POMGNT2: variants seen among roughly 807,000 people sequenced by gnomAD.
POMGNT2 encodes protein O-linked-mannose beta-1,4-N-acetylglucosaminyltransferase 2.
In POMGNT2, 32 loss-of-function variants were observed where a neutral mutation model predicts 37.8. That is an observed-to-expected ratio of 0.85 (90% CI 0.64 to 1.14). The LOEUF (loss-of-function observed/expected upper bound fraction) is 1.14, where lower values mean the gene tolerates loss of function less well. POMGNT2 is among the 50% of genes most tolerant of loss of function. The pLI is 0.00. For missense variants in POMGNT2, 705 were observed against 780.6 expected, an observed-to-expected ratio of 0.90 and a Z score of 1.15; for synonymous variants, 340 against 336.8, an observed-to-expected ratio of 1.01 and a Z score of -0.10.
At chr3:43,091,158 T>C (rs1433110176) in intron 1 of POMGNT2, among the ~76,000 whole-genome samples, 4 of 152,054 alleles carry the variant, frequency 2.6e-5, no homozygotes, top group Non-Finnish European at 5.9e-5. Context: ...AAAATCTTTC[T>C]CTACAAAAAG....
intron 1 of POMGNT2, among the ~76,000 whole-genome samples, chr3:43,100,598 A>G (rs2090011593): frequency 6.6e-6 from 1 of 152,220 alleles, no homozygotes; most frequent in South Asian, 2.1e-4. Flanking sequence ...ATTCTCTCAC[A>G]CCACAAAAAT....
At chr3:43,090,033 G>C (rs1233246299) in intron 1 of POMGNT2, among the ~76,000 whole-genome samples, 4 of 152,054 alleles carry the variant, frequency 2.6e-5, no homozygotes, top group African/African-American at 9.7e-5. Flanking sequence ...CCTCCAGTCA[G>C]CCTTGTTCAT....
chr3:43,083,824 A>C (rs2089874779), intron 1 of POMGNT2, among the ~76,000 whole-genome samples: 1 of 152,196 alleles, frequency 6.6e-6, no homozygotes, highest in Non-Finnish European at 1.5e-5. Flanking sequence ...TTCGTCCCTC[A>C]TTCCTGATGT....
chr3:43,092,985 A>C (rs138080991), intron 1 of POMGNT2, among the ~76,000 whole-genome samples: 150 of 152,342 alleles, frequency 9.8e-4, no homozygotes, highest in African/African-American at 3.3e-3. Flanking sequence ...CTAAAGCCAA[A>C]ACAGACAAAC....
chr3:43,079,977 C>T lies in POMGNT2; in HGVS notation c.1455G>A (p.Val485=), dbSNP rs145017190. ...KWTVGLYPGK[V]REARCQASVH... ...CTGACGCCTGGCACCGTGCCTCCCGCACCTTGCCTGGATATAGGCCGACTG... is the reference window on the plus strand; with the variant it reads ...CTGACGCCTGGCACCGTGCCTCCCGTACCTTGCCTGGATATAGGCCGACTG... The change falls in exon 2 of 2, where the codon GTG becomes GTA. Residue 485 remains valine (V), a synonymous_variant. Transcript: ENST00000344697. 18 of 1,613,856 alleles carry T rather than the reference C, an allele frequency of 1.1e-5. No homozygotes were observed. The African/African-American group carries it at 2.0e-4, about 18-fold the overall frequency.
At chr3:43,099,203 G>A (rs779299687) in intron 1 of POMGNT2, among the ~76,000 whole-genome samples, 3 of 152,138 alleles carry the variant, frequency 2.0e-5, no homozygotes, top group Non-Finnish European at 2.9e-5. Context: ...TGGACCCTCA[G>A]GCCCAATTTG....
rs373951159 is a variant in POMGNT2 at position 43,080,136 on chromosome 3, T to C, written c.1296A>G (p.Pro432=). Residue 432 remains proline (P), a synonymous_variant, in exon 2 of 2, where the codon CCA becomes CCG. Coordinates refer to ENST00000344697, the MANE Select transcript of POMGNT2 (RefSeq NM_032806.6). ...CGGGGTTCCGGCAACAGAGATGCCG[T>C]GGGACCTCACGGCTTTGCAGGATAC... ...QARILQSREV[P]RHLCCRNPEW... is the part of the protein sequence containing the mutation. The C allele has an allele frequency of 7.4e-6, 12 of 1,613,822 alleles. No individual in the cohort carries two copies. The highest frequency in any genetic ancestry group is 1.6e-4 in the Middle Eastern group (1 of 6,084).
intron 1 of POMGNT2, among the ~76,000 whole-genome samples, chr3:43,091,216 G>A (rs2089940724): frequency 6.6e-6 from 1 of 152,018 alleles, no homozygotes; most frequent in Middle Eastern, 3.4e-3. Flanking sequence ...CTAGGGCAGG[G>A]AAAGTACAAG....
At chr3:43,097,841 TG>T (rs1342200442) in intron 1 of POMGNT2, among the ~76,000 whole-genome samples, 1 of 152,240 alleles carries the variant, frequency 6.6e-6, no homozygotes, top group African/African-American at 2.4e-5. Flanking sequence ...CACCAAGGCC[TG>T]GGGCTGCTGG....
chr3:43,088,178 T>G (rs570033215), intron 1 of POMGNT2: 3 of 152,356 alleles, frequency 2.0e-5, no homozygotes, highest in Admixed American at 6.5e-5. Context: ...TTTTAAAACA[T>G]TTTGGACATA....
rs530232801 is a variant in POMGNT2, at chr3:43,101,671, A to G, written c.-106+4165T>C. On this transcript the variant is annotated intron_variant, in intron 1 of 1. Transcript: ENST00000344697. Reference sequence around the variant, plus strand: ...TCTGAGGTTCTTCTAACATTTCACAATTTTGCGATACTCAGCAAGGCATTT... The same window carrying G: ...TCTGAGGTTCTTCTAACATTTCACAGTTTTGCGATACTCAGCAAGGCATTT... Among the ~76,000 whole-genome samples, 13 of 152,282 alleles carry G rather than the reference A, an allele frequency of 8.5e-5. No individual in the cohort carries two copies. The South Asian group carries it at 2.7e-3, about 32-fold the overall frequency.
At chr3:43,092,700 G>C (rs1046119444) in intron 1 of POMGNT2, among the ~76,000 whole-genome samples, 1 of 152,196 alleles carries the variant, frequency 6.6e-6, no homozygotes, top group African/African-American at 2.4e-5. Flanking sequence ...GAACCCGACA[G>C]GGGGATACTG....
At chr3:43,097,841 T>G (rs1274179177) in intron 1 of POMGNT2, among the ~76,000 whole-genome samples, 1 of 152,240 alleles carries the variant, frequency 6.6e-6, no homozygotes, top group East Asian at 1.9e-4. Context: ...CACCAAGGCC[T>G]GGGGCTGCTG....
intron 1 of POMGNT2, among the ~76,000 whole-genome samples, chr3:43,103,222 T>C (rs1057438367): frequency 1.3e-5 from 2 of 152,152 alleles, no homozygotes; most frequent in Non-Finnish European, 2.9e-5. Context: ...GTGTGAGCTC[T>C]CACAGGCAGC....
Position 43,080,859 on chromosome 3 carries a change from G to A in POMGNT2, c.573C>T (p.Leu191=). The change falls in exon 2 of 2, where the codon CTC becomes CTT. Residue 191 remains leucine, a synonymous_variant. Transcript: ENST00000344697. ...QFPGLAHEAR[L]FFMEGWGEGA... is the part of the protein sequence containing the mutation. ...CCTCGCCCCAGCCCTCCATGAAGAA[G>A]AGCCGTGCCTCGTGGGCCAGGCCGG... is the stretch of plus-strand genomic sequence containing the variant. The A allele has an allele frequency of 1.2e-6, 2 of 1,614,120 alleles. No individual in the cohort carries two copies. The highest frequency in any genetic ancestry group is 1.7e-6 in the Non-Finnish European group (2 of 1,180,006).
intron 1 of POMGNT2, among the ~76,000 whole-genome samples, chr3:43,088,573 G>T (rs1220325097): frequency 2.6e-5 from 4 of 152,218 alleles, no homozygotes; most frequent in African/African-American, 9.6e-5. Context: ...CAGGTGGACT[G>T]TCAGCAGAGC....
Position 43,079,872 on chromosome 3 carries a change from C to T in POMGNT2, c.1560G>A (p.Val520=). 6.2e-7 allele frequency: 1 copy of T among 1,614,182 alleles called. No homozygotes were observed. Among genetic ancestry groups the T allele is most frequent in the Non-Finnish European group, 8.5e-7 (1 of 1,180,018 alleles). ...GCTCCTGCAGCCACACCTCGTACTT[C>T]ACCTCCCTCACCTTCAGGTATTTAA... ...WNLKYLKVRE[V]KYEVWLQEQG... Residue 520 remains valine, a synonymous_variant, in exon 2 of 2, where the codon GTG becomes GTA. Coordinates refer to ENST00000344697, the MANE Select transcript of POMGNT2 (RefSeq NM_032806.6).
chr3:43,084,132 C>T (rs1459765119), intron 1 of POMGNT2, among the ~76,000 whole-genome samples: 2 of 152,156 alleles, frequency 1.3e-5, no homozygotes, highest in Admixed American at 1.3e-4. Flanking sequence ...TTGTCTCCTG[C>T]TGCTCTTAAG....
rs939387117 is a variant in POMGNT2, at chr3:43,098,099, G to T, written c.-106+7737C>A. 6.6e-6 allele frequency among the ~76,000 whole-genome samples: 1 copy of T among 152,214 alleles called. No homozygotes were observed. Among genetic ancestry groups the T allele is most frequent in the Non-Finnish European group, 1.5e-5 (1 of 68,050 alleles). On this transcript the variant is annotated intron_variant, in intron 1 of 1. Transcript: ENST00000344697. This position sits in a 1 kb window ranked among gnomAD's most constrained non-coding sequence, Gnocchi z 4.3. ...CCCAGGCCAGGAGGGGGTCAGCAACGGTGCAGAAGGTTTTATATTTTACTT... is the reference window on the plus strand; with the variant it reads ...CCCAGGCCAGGAGGGGGTCAGCAACTGTGCAGAAGGTTTTATATTTTACTT...
Sources: allele counts gnomAD v4.1 joint callset (sites outside exome capture counted in the v4.1 genomes callset), GRCh38; gene constraint gnomAD v4.1.1; non-coding constraint Gnocchi (gnomAD v3.1); transcripts MANE v1.5; gene names NCBI Gene and HGNC (gene_info 2026-07-23, HGNC 2026-07-21).